The following TTLL5 variants were observed in gnomAD, a reference collection of about 807,000 sequenced individuals.
TTLL5 encodes tubulin tyrosine ligase like 5, also known as tubulin polyglutamylase TTLL5.
In TTLL5, 132 loss-of-function variants were observed where a neutral mutation model predicts 168.4. The observed-to-expected ratio is 0.78, with a 90% CI of 0.68 to 0.91. The LOEUF (loss-of-function observed/expected upper bound fraction) is 0.91, where lower values mean the gene tolerates loss of function less well. TTLL5 is among the 40% of genes least tolerant of loss of function. TTLL5 has a pLI of 0.00. For synonymous variants in TTLL5, 546 were observed against 558.6 expected (o/e 0.98, Z 0.32); for missense variants, 1,545 against 1,581.5 (o/e 0.98, Z 0.39).
intron 31 of TTLL5, among the ~76,000 whole-genome samples, chr14:75,953,262 G>T (rs1595331911): frequency 6.6e-6 from 1 of 152,310 alleles, no homozygotes; most frequent in East Asian, 1.9e-4. Context: ...ACATGTAGAG[G>T]TGTGGAGAAG....
intron 28 of TTLL5, among the ~76,000 whole-genome samples, chr14:75,828,204 A>T (rs1895340185): frequency 6.6e-6 from 1 of 152,170 alleles, no homozygotes; most frequent in Non-Finnish European, 1.5e-5. Flanking sequence ...AGAGGAAATC[A>T]AATCACAATT....
intron 6 of TTLL5, among the ~76,000 whole-genome samples, chr14:75,698,428 C>T (rs1886019892): frequency 6.6e-6 from 1 of 151,982 alleles, no homozygotes; most frequent in South Asian, 2.1e-4. Flanking sequence ...TTTATAAGCT[C>T]GAAATATTTA....
intron 21 of TTLL5, among the ~76,000 whole-genome samples, chr14:75,772,196 C>T (rs1016130474): frequency 1.3e-5 from 2 of 152,160 alleles, no homozygotes; most frequent in South Asian, 2.1e-4. Context: ...AGTCTTTTCT[C>T]AAGCAACCTC....
Position 75,925,423 on chromosome 14 carries a change from G to C in TTLL5, c.3823+23199G>C, listed in dbSNP as rs867408813. 2.0e-3 allele frequency among the ~76,000 whole-genome samples: 23 copies of C among 11,494 alleles called. 1 individual carries two copies. Among genetic ancestry groups the C allele is most frequent in the East Asian group, 0.02 (15 of 752 alleles). The allele number at this position is 11,494 out of a possible 152,430, so 7.5% of individuals were successfully genotyped here. ...CTCCTCACATCCCAGACGGGGCGGC[G>C]GGGCAGAGGCGCTCCTCACATCCCA... On this transcript the variant is annotated intron_variant, in intron 31 of 31. Transcript: ENST00000298832.
At chr14:75,662,780 T>C (rs1011304079) in intron 1 of TTLL5, among the ~76,000 whole-genome samples, 2 of 152,192 alleles carry the variant, frequency 1.3e-5, no homozygotes, top group African/African-American at 4.8e-5. Flanking sequence ...TTGGTGCATA[T>C]TCGATTTAGT....
At chr14:75,938,167 G>T (rs2034489794) in intron 31 of TTLL5, among the ~76,000 whole-genome samples, 1 of 152,208 alleles carries the variant, frequency 6.6e-6, no homozygotes. Context: ...AGACAATACT[G>T]TTAGAATTTT....
intron 31 of TTLL5, among the ~76,000 whole-genome samples, chr14:75,915,948 T>A (rs777648929): frequency 6.6e-6 from 1 of 151,488 alleles, no homozygotes; most frequent in Non-Finnish European, 1.5e-5. Context: ...GGCAACACAG[T>A]GAAACACCGT....
intron 15 of TTLL5, among the ~76,000 whole-genome samples, chr14:75,743,758 T>G (rs1050465804): frequency 4.6e-5 from 7 of 151,932 alleles, no homozygotes; most frequent in Non-Finnish European, 1.0e-4. Context: ...ATTTTTTGTA[T>G]TTTTAGTAGA....
chr14:75,929,965 A>G (rs1291945120), intron 31 of TTLL5, among the ~76,000 whole-genome samples: 2 of 152,196 alleles, frequency 1.3e-5, no homozygotes, highest in Non-Finnish European at 2.9e-5. Flanking sequence ...AAATAAAAAT[A>G]ATTTTATATA....
intron 26 of TTLL5, among the ~76,000 whole-genome samples, chr14:75,785,127 A>G (rs1296072937): frequency 7.0e-6 from 1 of 142,952 alleles, no homozygotes. Flanking sequence ...TGCTTTTGGT[A>G]TCATGTCTGG....
intron 18 of TTLL5, among the ~76,000 whole-genome samples, chr14:75,758,987 C>T (rs965520568): frequency 6.6e-6 from 1 of 151,974 alleles, no homozygotes; most frequent in African/African-American, 2.4e-5. Context: ...AGTAGAGTAA[C>T]TCCAAAGTAA....
chr14:75,723,362 A>G (rs1485430084), intron 12 of TTLL5, among the ~76,000 whole-genome samples: 1 of 152,172 alleles, frequency 6.6e-6, no homozygotes, highest in Non-Finnish European at 1.5e-5. Flanking sequence ...AGACTTCCCA[A>G]TGGATCTGGT....
intron 27 of TTLL5, among the ~76,000 whole-genome samples, chr14:75,811,637 G>C (rs1011544255): frequency 1.9e-4 from 29 of 152,094 alleles, no homozygotes; most frequent in Non-Finnish European, 1.6e-4. Context: ...ATGCGTTAGC[G>C]CTTTCCTCAA....
In TTLL5 at chr14:75,683,625, T is replaced by C; in HGVS notation, c.340T>C (p.Ser114Pro). 4.3e-6 allele frequency: 7 copies of C among 1,613,988 alleles called. No individual in the cohort carries two copies. The highest frequency in any genetic ancestry group is 4.2e-6 in the Non-Finnish European group (5 of 1,179,902). ...HLKPFLLRTL[S>P]EAQKVNHFPR... ...GAAGCCCTTCTTACTGCGCACCCTC[T>C]CTGAAGCACAAAAAGTTAATCACTT... Residue 114 changes from serine (S) to proline (P), a missense_variant, in exon 5 of 32, where the codon TCT becomes CCT. Transcript: ENST00000298832.
chr14:75,710,517 A>G (rs1274859494), intron 9 of TTLL5: 2 of 152,164 alleles, frequency 1.3e-5, no homozygotes, highest in African/African-American at 4.8e-5. Flanking sequence ...AGCCACATGA[A>G]TTTTCAGGGC....
At chr14:75,755,002 C>T (rs1380053937) in intron 18 of TTLL5, among the ~76,000 whole-genome samples, 3 of 152,032 alleles carry the variant, frequency 2.0e-5, no homozygotes, top group Non-Finnish European at 4.4e-5. Flanking sequence ...CGGTGGCTCA[C>T]GCCTGTAATC....
chr14:75,759,603 A>G (rs1890503392), intron 18 of TTLL5, among the ~76,000 whole-genome samples: 1 of 152,120 alleles, frequency 6.6e-6, no homozygotes, highest in Admixed American at 6.5e-5. Flanking sequence ...TTACAGGCTA[A>G]TATCCTTCAT....
chr14:75,942,578 A>G (rs1373381423), intron 31 of TTLL5, among the ~76,000 whole-genome samples: 1 of 152,188 alleles, frequency 6.6e-6, no homozygotes. Flanking sequence ...GGGTCTCTCC[A>G]CCATTCCTCT....
At chr14:75,944,211 A>G (rs1595312333) in intron 31 of TTLL5, among the ~76,000 whole-genome samples, 3 of 152,310 alleles carry the variant, frequency 2.0e-5, no homozygotes, top group Non-Finnish European at 1.5e-5. Flanking sequence ...TGCCGCTAAC[A>G]TATTTTGGTG....
Sources: allele counts gnomAD v4.1 joint callset (sites outside exome capture counted in the v4.1 genomes callset), GRCh38; gene constraint gnomAD v4.1.1; transcripts MANE v1.5; gene names NCBI Gene and HGNC (gene_info 2026-07-23, HGNC 2026-07-21).